Variants in FAM227B observed in about 807,000 individuals in gnomAD.
The protein encoded by FAM227B is protein FAM227B.
A neutral mutation model predicts 73.8 loss-of-function variants in FAM227B; 88 were observed. The ratio of observed to expected loss-of-function variants is 1.19; its 90% CI spans 1.00 to 1.42. The LOEUF (loss-of-function observed/expected upper bound fraction) is 1.42. Among genes scored for constraint, FAM227B ranks in the 40% most tolerant of loss-of-function variants. The pLI, the probability that FAM227B is intolerant of heterozygous loss-of-function variation, is 0.00. For missense variants in FAM227B, 632 were observed against 590.9 expected, an observed-to-expected ratio of 1.07 and a Z score of -0.72; for synonymous variants, 210 against 190.5, an observed-to-expected ratio of 1.10 and a Z score of -0.84.
chr15:49,581,230 G>A (rs906439531), intron 5 of FAM227B, among the ~76,000 whole-genome samples: 1 of 152,024 alleles, frequency 6.6e-6, no homozygotes, highest in Non-Finnish European at 1.5e-5. Context: ...CTAGAGAGAA[G>A]GGCAGGTAAA....
chr15:49,524,509 C>G (rs1456076014), intron 10 of FAM227B, among the ~76,000 whole-genome samples: 2 of 152,204 alleles, frequency 1.3e-5, no homozygotes, highest in Non-Finnish European at 2.9e-5. Context: ...TGGAGAATCT[C>G]TGCTAGGGCA....
At chr15:49,511,504 T>G (rs2058996735) in intron 10 of FAM227B, among the ~76,000 whole-genome samples, 1 of 152,086 alleles carries the variant, frequency 6.6e-6, no homozygotes, top group South Asian at 2.1e-4. Flanking sequence ...GATGTGCAGG[T>G]TTGTTATATA....
At chr15:49,375,638 G>C (rs770458091) in intron 11 of FAM227B, among the ~76,000 whole-genome samples, 203 of 152,124 alleles carry the variant, frequency 1.3e-3, no homozygotes, top group Non-Finnish European at 2.1e-3. Flanking sequence ...AAAGGTGCTG[G>C]TGAAGAAACT....
rs948602341 is a variant in FAM227B, at chr15:49,422,743, T to G, written c.1013-51344A>C. ...GGAATATAATACATAAAAATTGTAC[T>G]TATATTCATATTCAATGAATTGTCT... On this transcript the variant is annotated intron_variant, in intron 11 of 15. Transcript: ENST00000299338. The G allele has an allele frequency of 4.5e-6, 6 of 1,332,042 alleles. No homozygotes were observed. In the East Asian group the frequency reaches 1.5e-4, roughly 33 times the overall value. The allele number at this position is 1,332,042 out of a possible 1,614,324, so 82.5% of individuals were successfully genotyped here.
chr15:49,437,853 G>C (rs2051253170), intron 11 of FAM227B, among the ~76,000 whole-genome samples: 1 of 151,574 alleles, frequency 6.6e-6, no homozygotes, highest in South Asian at 2.1e-4. Flanking sequence ...CTGTGAAAAA[G>C]GTATGTTCAG....
chr15:49,390,985 T>C (rs976310238), intron 11 of FAM227B, among the ~76,000 whole-genome samples: 2 of 152,042 alleles, frequency 1.3e-5, no homozygotes, highest in African/African-American at 4.8e-5. Context: ...CAGGACTAGT[T>C]CTAGTTTAAA....
chr15:49,467,823 G>C (rs1204935648), intron 11 of FAM227B, among the ~76,000 whole-genome samples: 1 of 152,074 alleles, frequency 6.6e-6, no homozygotes, highest in Non-Finnish European at 1.5e-5. Flanking sequence ...AGAAAGGTGG[G>C]TCCCTTGCAT....
chr15:49,407,076 G>A (rs1415628432), intron 11 of FAM227B, among the ~76,000 whole-genome samples: 1 of 152,180 alleles, frequency 6.6e-6, no homozygotes, highest in African/African-American at 2.4e-5. Context: ...TTCTCCTGGG[G>A]CTAATGTCTC....
intron 11 of FAM227B, among the ~76,000 whole-genome samples, chr15:49,431,861 ATAG>A (rs1331266092): frequency 2.0e-5 from 3 of 151,756 alleles, no homozygotes; most frequent in African/African-American, 7.2e-5. Flanking sequence ...GAATGACAAG[ATAG>A]TAGAAGGAAG....
chr15:49,549,686 C>G (rs2152301068), intron 9 of FAM227B, among the ~76,000 whole-genome samples: 1 of 152,116 alleles, frequency 6.6e-6, no homozygotes, highest in Non-Finnish European at 1.5e-5. Context: ...TTTCTTAGTA[C>G]AGAACAAAAT....
chr15:49,525,909 G>A (rs2060167723), intron 10 of FAM227B, among the ~76,000 whole-genome samples: 1 of 151,194 alleles, frequency 6.6e-6, no homozygotes. Context: ...ATAAAACAAA[G>A]AATAATAAAC....
chr15:49,619,130 G>A lies in FAM227B; in HGVS notation c.-73+1570C>T, dbSNP rs560318174. Among the ~76,000 whole-genome samples, 6 of 152,018 alleles carry A rather than the reference G, an allele frequency of 3.9e-5. No homozygotes were observed. In the East Asian group the frequency reaches 9.7e-4, roughly 24 times the overall value. ...CATCTGGCCTTGAATTTAACATTTC[G>A]TCTGCCTAGAAATAGCCACAATGGA... On this transcript the variant is annotated intron_variant, in intron 1 of 15. Transcript: ENST00000299338.
At chr15:49,601,526 A>C (rs1168416238) in intron 3 of FAM227B, among the ~76,000 whole-genome samples, 1 of 152,168 alleles carries the variant, frequency 6.6e-6, no homozygotes, top group African/African-American at 2.4e-5. Flanking sequence ...CATGGTAGGT[A>C]TATATATTTA....
At chr15:49,458,275 G>GA (rs2053496053) in intron 11 of FAM227B, among the ~76,000 whole-genome samples, 1 of 151,076 alleles carries the variant, frequency 6.6e-6, no homozygotes, top group Non-Finnish European at 1.5e-5. Context: ...ATACTCTGGA[G>GA]AAAAAGAACC....
At chr15:49,393,434 G>A (rs2047353089) in intron 11 of FAM227B, among the ~76,000 whole-genome samples, 1 of 151,982 alleles carries the variant, frequency 6.6e-6, no homozygotes, top group Non-Finnish European at 1.5e-5. Context: ...TCAGACTTCT[G>A]CACTGAACAA....
chr15:49,515,474 T>G (rs1271325597), intron 10 of FAM227B, among the ~76,000 whole-genome samples: 1 of 152,186 alleles, frequency 6.6e-6, no homozygotes, highest in Non-Finnish European at 1.5e-5. Flanking sequence ...GTTGATTGCT[T>G]TTTCGCTTGA....
At chr15:49,378,002 G>T (rs1274750879) in intron 11 of FAM227B, among the ~76,000 whole-genome samples, 2 of 152,064 alleles carry the variant, frequency 1.3e-5, no homozygotes, top group African/African-American at 2.4e-5. Context: ...AGTTTCAGAT[G>T]TAAGTCTTTA....
At chr15:49,385,088 G>A (rs985206040) in intron 11 of FAM227B, among the ~76,000 whole-genome samples, 1 of 151,902 alleles carries the variant, frequency 6.6e-6, no homozygotes, top group Non-Finnish European at 1.5e-5. Context: ...CTAAGACAAT[G>A]TCACTCAAGG....
Position 49,437,058 on chromosome 15 carries a change from T to C in FAM227B, c.1013-65659A>G, listed in dbSNP as rs1305811737. On this transcript the variant is annotated intron_variant, in intron 11 of 15. Transcript: ENST00000299338. ...AAGATGCTACAAAATTTAACTTGGT[T>C]GTATTTTAAACACATTCCTGACATT... Among the ~76,000 whole-genome samples, 4 of 151,642 alleles carry C rather than the reference T, an allele frequency of 2.6e-5. No homozygotes were observed. In the East Asian group the frequency reaches 7.8e-4, roughly 30 times the overall value.
Sources: allele counts gnomAD v4.1 joint callset (sites outside exome capture counted in the v4.1 genomes callset), GRCh38; gene constraint gnomAD v4.1.1; transcripts MANE v1.5; gene names NCBI Gene and HGNC (gene_info 2026-07-23, HGNC 2026-07-21).